The following MALRD1 variants were observed in gnomAD, a reference collection of about 807,000 sequenced individuals.
The protein encoded by MALRD1 is MAM and LDL-receptor class A domain-containing protein 1.
In MALRD1, 247 loss-of-function variants were observed where a neutral mutation model predicts 242.1. The observed-to-expected ratio is 1.02, with a 90% CI of 0.92 to 1.13. MALRD1 has a LOEUF of 1.13. MALRD1 is among the 50% of genes most tolerant of loss of function. The pLI is 0.00. For missense variants in MALRD1, 2,989 were observed against 2,533.1 expected, an observed-to-expected ratio of 1.18 and a Z score of -3.86; for synonymous variants, 995 against 866.6, an observed-to-expected ratio of 1.15 and a Z score of -2.60.
intron 18 of MALRD1, among the ~76,000 whole-genome samples, chr10:19,238,508 ATAATG>A (rs1838566888): frequency 2.1e-5 from 1 of 47,038 alleles, no homozygotes; most frequent in Admixed American, 5.7e-4. Context: ...AATATAATAT[ATAATG>A]TATATTATAT....
intron 21 of MALRD1, among the ~76,000 whole-genome samples, chr10:19,288,514 C>T (rs1841250646): frequency 6.6e-6 from 1 of 151,908 alleles, no homozygotes; most frequent in African/African-American, 2.4e-5. Flanking sequence ...TTACATTTTT[C>T]CTTGTTCATT....
intron 1 of MALRD1, among the ~76,000 whole-genome samples, chr10:19,057,836 A>G (rs948798279): frequency 1.3e-5 from 2 of 152,200 alleles, no homozygotes; most frequent in South Asian, 2.1e-4. Flanking sequence ...AGAAAAAGAG[A>G]AAGAATTTTC....
At chr10:19,650,417 T>C (rs1840819090) in intron 36 of MALRD1, among the ~76,000 whole-genome samples, 1 of 152,166 alleles carries the variant, frequency 6.6e-6, no homozygotes, top group Non-Finnish European at 1.5e-5. Context: ...CGTGCATCTA[T>C]AGAGAAAAAC....
At chr10:19,540,665 G>A (rs1589219315) in intron 32 of MALRD1, among the ~76,000 whole-genome samples, 2 of 152,062 alleles carry the variant, frequency 1.3e-5, no homozygotes, top group South Asian at 4.1e-4. Context: ...CGAGGACCCA[G>A]CCCATCTCAT....
At chr10:19,152,266 C>T (rs1833969606) in intron 11 of MALRD1, among the ~76,000 whole-genome samples, 1 of 152,166 alleles carries the variant, frequency 6.6e-6, no homozygotes, top group South Asian at 2.1e-4. Flanking sequence ...GAAGATAAAT[C>T]AAGGGACGTG....
intron 24 of MALRD1, among the ~76,000 whole-genome samples, chr10:19,344,562 T>C (rs1844024523): frequency 6.6e-6 from 1 of 152,054 alleles, no homozygotes; most frequent in Non-Finnish European, 1.5e-5. Context: ...GTATCATAAA[T>C]CTTGAAATCA....
chr10:19,680,829 C>G (rs1182931320), intron 36 of MALRD1, among the ~76,000 whole-genome samples: 3 of 152,052 alleles, frequency 2.0e-5, no homozygotes, highest in Admixed American at 2.0e-4. Flanking sequence ...GAAGGCAGGC[C>G]TGGTGGTGAT....
At chr10:19,466,766 GATCCAAACAC>G in intron 29 of MALRD1, among the ~76,000 whole-genome samples, 1 of 152,100 alleles carries the variant, frequency 6.6e-6, no homozygotes, top group South Asian at 2.1e-4. Context: ...ATGGGGTCCA[GATCCAAACAC>G]AAAATTCACT....
chr10:19,415,863 T>G (rs1833497267), intron 28 of MALRD1, among the ~76,000 whole-genome samples: 1 of 152,196 alleles, frequency 6.6e-6, no homozygotes, highest in African/African-American at 2.4e-5. Context: ...ACAGCAGCCA[T>G]CAGTTTTCTG....
chr10:19,330,442 C>A (rs2130918251), intron 23 of MALRD1, among the ~76,000 whole-genome samples: 1 of 152,064 alleles, frequency 6.6e-6, no homozygotes, highest in East Asian at 1.9e-4. Flanking sequence ...ATATTTTGTA[C>A]AAAATCACTA....
intron 28 of MALRD1, among the ~76,000 whole-genome samples, chr10:19,423,460 C>A (rs1241039549): frequency 6.6e-6 from 1 of 151,836 alleles, no homozygotes; most frequent in Non-Finnish European, 1.5e-5. Context: ...CTCCCACCCC[C>A]CAGAAAAACA....
At chr10:19,527,287 T>C (rs1450349247) in intron 31 of MALRD1, among the ~76,000 whole-genome samples, 4 of 152,162 alleles carry the variant, frequency 2.6e-5, no homozygotes. Context: ...TTAATTCAGG[T>C]TGCTGTGGAA....
At chr10:19,346,257 TAA>T (rs1310144904) in intron 24 of MALRD1, among the ~76,000 whole-genome samples, 2 of 152,194 alleles carry the variant, frequency 1.3e-5, no homozygotes, top group African/African-American at 4.8e-5. Flanking sequence ...TGGACATTCT[TAA>T]AGAGTCATAT....
At chr10:19,612,524 A>G (rs1179634887) in intron 35 of MALRD1, among the ~76,000 whole-genome samples, 1 of 151,762 alleles carries the variant, frequency 6.6e-6, no homozygotes, top group Non-Finnish European at 1.5e-5. Flanking sequence ...CCTCTTTCTT[A>G]ATGCCTGCTA....
chr10:19,582,309 C>T, intron 33 of MALRD1, among the ~76,000 whole-genome samples: 1 of 151,208 alleles, frequency 6.6e-6, no homozygotes, highest in Admixed American at 6.6e-5. Flanking sequence ...TGCCTATGTC[C>T]TGAATGGTAT....
At chr10:19,601,806 AAT>A (rs1337187818) in intron 34 of MALRD1, among the ~76,000 whole-genome samples, 4 of 152,070 alleles carry the variant, frequency 2.6e-5, no homozygotes, top group African/African-American at 4.8e-5. Flanking sequence ...AAGGGTTCAA[AAT>A]ATATGTTTTC....
intron 18 of MALRD1, among the ~76,000 whole-genome samples, chr10:19,238,498 A>ATTATATATAATATACATTAT (rs1554817785): frequency 2.8e-4 from 2 of 7,146 alleles, no homozygotes; most frequent in African/African-American, 4.7e-4. Context: ...TATAATATAT[A>ATTATATATAATATACATTAT]ATATAATATA....
chr10:19,078,988 T>G (rs947703723), intron 2 of MALRD1, among the ~76,000 whole-genome samples: 34 of 151,658 alleles, frequency 2.2e-4, no homozygotes, highest in Non-Finnish European at 5.9e-5. Flanking sequence ...TTTTTATTGT[T>G]TTTGTATTTT....
intron 19 of MALRD1, among the ~76,000 whole-genome samples, chr10:19,263,452 A>T (rs1839841568): frequency 6.6e-6 from 1 of 151,316 alleles, no homozygotes; most frequent in African/African-American, 2.4e-5. Flanking sequence ...AAAAATGTCT[A>T]TTCAGGTATT....
Sources: allele counts gnomAD v4.1 joint callset (sites outside exome capture counted in the v4.1 genomes callset), GRCh38; gene constraint gnomAD v4.1.1; transcripts MANE v1.5; gene names NCBI Gene and HGNC (gene_info 2026-07-23, HGNC 2026-07-21).